GCNA: variants seen among roughly 807,000 people sequenced by gnomAD.
GCNA encodes the protein germ cell nuclear acidic protein.
GCNA carries 3 observed loss-of-function variants against 38.8 expected under a neutral mutation model. The ratio of observed to expected loss-of-function variants is 0.08; its 90% confidence interval spans 0.04 to 0.20. The LOEUF is 0.20. Ranked by LOEUF, GCNA falls within the 10% of genes least tolerant of loss-of-function variation. The pLI, the probability that GCNA is intolerant of heterozygous loss-of-function variation, is 1.00. For missense variants in GCNA, 446 were observed against 578.6 expected (o/e 0.77, Z 2.35); for synonymous variants, 195 against 240.2 (o/e 0.81, Z 1.74).
rs764174655 is a variant in GCNA at position 71,598,037 on chromosome X, C to T, written c.309C>T (p.Asp103=). 28 of 1,189,418 alleles carry T rather than the reference C, an allele frequency of 2.4e-5. No individual in the cohort carries two copies. Among genetic ancestry groups the T allele is most frequent in the African/African-American group, 1.6e-4 (9 of 56,901 alleles). ...KKAKLLEINS[D]DESPECCHVK... is the part of the protein sequence containing the mutation. ...CTAAGTTATTGGAAATAAACAGCGACGGCAAGTATATATTACTTTGTTAGA... is the reference window on the plus strand; with the variant it reads ...CTAAGTTATTGGAAATAAACAGCGATGGCAAGTATATATTACTTTGTTAGA... The change falls in exon 7 of 13, where the codon GAC becomes GAT. Residue 103 remains aspartate, a splice_region_variant and synonymous_variant. Coordinates refer to ENST00000373696, the MANE Select transcript of GCNA (RefSeq NM_052957.5).
chrX:71,609,087 C>A lies in GCNA; in HGVS notation c.1581C>A (p.Asp527Glu), dbSNP rs373426190. Residue 527 changes from aspartate to glutamate, a missense_variant, in exon 10 of 13, where the codon GAC becomes GAA. Around this residue, in one of 7 missense-constraint regions of GCNA, gnomAD observed 60 missense variants for 111.0 expected, o/e 0.54. Transcript: ENST00000373696. ...ATGAATTGGTTCAGAGAATCTACGA[C>A]CTGTTTAACAGATCCGTCTGTGATA... ...NKDELVQRIY[D>E]LFNRSVCDKK... The A allele has an allele frequency of 5.8e-6, 7 of 1,209,579 alleles. No homozygotes were observed. Among genetic ancestry groups the A allele is most frequent in the Non-Finnish European group, 7.8e-6 (7 of 894,931 alleles).
At chrX:71,608,917 G>A in intron 9 of GCNA, 56 bp from the exon 10 acceptor site, 1 of 1,175,213 alleles carries the variant, frequency 8.5e-7, no homozygotes. Flanking sequence ...ACGCTTAGGT[G>A]TGCATTCCTT....
At chrX:71,607,849 T>A (rs933044275) in intron 9 of GCNA, among the ~76,000 whole-genome samples, 4 of 112,966 alleles carry the variant, frequency 3.5e-5, no homozygotes, top group African/African-American at 1.3e-4. Flanking sequence ...GATGTAGTCC[T>A]TGTAAGCCAT....
Position 71,604,283 on chromosome X carries a change from G to A in GCNA, c.1006G>A (p.Val336Met), listed in dbSNP as rs182208750. 5.9e-5 allele frequency: 71 copies of A among 1,211,384 alleles called. No individual in the cohort carries two copies. Among genetic ancestry groups the A allele is most frequent in the Non-Finnish European group, 7.6e-5 (68 of 895,538 alleles). ...CAATAGTGATGATTTGGAAGTTCCT[G>A]TGCCAGCAGAAGATTTGTGTAATGA... ...DDNSDDLEVP[V>M]PAEDLCNEGQ... Residue 336 changes from valine (V) to methionine (M), a missense_variant, in exon 8 of 13, where the codon GTG becomes ATG. Around this residue, in one of 7 missense-constraint regions of GCNA, gnomAD observed 160 missense variants for 165.2 expected, o/e 0.97. Transcript: ENST00000373696.
intron 7 of GCNA, among the ~76,000 whole-genome samples, chrX:71,598,841 C>T (rs2040691684): frequency 9.0e-6 from 1 of 110,773 alleles, no homozygotes; most frequent in Non-Finnish European, 1.9e-5. Context: ...ACCCTTAAAG[C>T]ACCAACTACA....
At chrX:71,578,913 G>A (rs1383816517) in intron 1 of GCNA, among the ~76,000 whole-genome samples, 3 of 107,507 alleles carry the variant, frequency 2.8e-5, no homozygotes, top group African/African-American at 1.0e-4. Flanking sequence ...GTGGCGGGTG[G>A]AGAGAAGTAG....
intron 2 of GCNA, among the ~76,000 whole-genome samples, chrX:71,588,890 A>T (rs917049485): frequency 2.7e-5 from 3 of 109,628 alleles, no homozygotes; most frequent in Non-Finnish European, 5.7e-5. Context: ...ACTTTTTTTT[A>T]AGTTTTTTTT....
rs888972638 is a variant in GCNA, at chrX:71,584,367, C to T, written c.59+3487C>T. Reference sequence around the variant, plus strand: ...CTGGTCTCAAGTGATCCTCCCACCTCAGCCTTCAGAGTAGCTGGGACTACA... The same window carrying T: ...CTGGTCTCAAGTGATCCTCCCACCTTAGCCTTCAGAGTAGCTGGGACTACA... On this transcript the variant is annotated intron_variant, in intron 2 of 12. Coordinates refer to ENST00000373696, the MANE Select transcript of GCNA (RefSeq NM_052957.5). 2.7e-5 allele frequency among the ~76,000 whole-genome samples: 3 copies of T among 110,932 alleles called. No individual in the cohort carries two copies. The Admixed American group carries it at 2.9e-4, about 11-fold the overall frequency.
Position 71,604,794 on chromosome X carries a change from C to G in GCNA, c.1399+118C>G. The G allele has an allele frequency of 1.5e-5, 15 of 1,020,339 alleles. No individual in the cohort carries two copies. The South Asian group carries it at 3.1e-4, about 21-fold the overall frequency. The allele number at this position is 1,020,339 out of a possible 1,213,427, so 84.1% of individuals were successfully genotyped here. Reference sequence around the variant, plus strand: ...AACCCTGTGCCATTTCAGCAACTTCCCTGTGGCCCAAGGAGGCATCCATCC... The same window carrying G: ...AACCCTGTGCCATTTCAGCAACTTCGCTGTGGCCCAAGGAGGCATCCATCC... On this transcript the variant is annotated intron_variant, in intron 8 of 12. Transcript: ENST00000373696.
intron 12 of GCNA, 68 bp from the exon 13 acceptor site, chrX:71,612,794 C>T: frequency 1.7e-6 from 2 of 1,175,749 alleles, no homozygotes; most frequent in Non-Finnish European, 2.3e-6. Flanking sequence ...CCAAGGCTAA[C>T]ATCTCAGAGC....
rs141727533 is a variant in GCNA, at chrX:71,612,438, G to A, written c.1834G>A (p.Ala612Thr). The A allele has an allele frequency of 1.0e-5, 12 of 1,205,157 alleles. No individual in the cohort carries two copies. The Admixed American group carries it at 1.3e-4, about 13-fold the overall frequency. ...TGGTATCCATGATTCTCATGGTGAC[G>A]CATGGAAGTATTATGCCAGGAAATC... ...IDGIHDSHGD[A>T]WKYYARKSNR... is the part of the protein sequence containing the mutation. The change falls in exon 12 of 13, where the codon GCA becomes ACA. Residue 612 changes from alanine to threonine, a missense_variant. Physicochemically the swap from Ala to Thr is moderately conservative, Grantham distance 58. Coordinates refer to ENST00000373696, the MANE Select transcript of GCNA (RefSeq NM_052957.5).
intron 9 of GCNA, among the ~76,000 whole-genome samples, chrX:71,608,642 C>A (rs372663955): frequency 2.5e-4 from 28 of 112,671 alleles, no homozygotes; most frequent in East Asian, 1.9e-3. Flanking sequence ...ATTGAACACA[C>A]GTTTAGCTGG....
chrX:71,585,270 C>T (rs763386390), intron 2 of GCNA, among the ~76,000 whole-genome samples: 2 of 109,588 alleles, frequency 1.8e-5, no homozygotes, highest in Admixed American at 2.0e-4. Context: ...GTTGAGATCG[C>T]GCCATTGCAC....
In GCNA at chrX:71,612,972, C is replaced by T; in HGVS notation, c.2066C>T (p.Pro689Leu). 2 of 1,211,445 alleles carry T rather than the reference C, an allele frequency of 1.7e-6. No individual in the cohort carries two copies. Among genetic ancestry groups the T allele is most frequent in the South Asian group, 1.8e-5 (1 of 56,936 alleles). ...LTQKDGTRIV[P>L]HV ...CAGAAAGATGGGACCCGTATTGTGC[C>T]CCACGTGTGACCATTTGCTGTGTAT... Residue 689 changes from proline (P) to leucine (L), a missense_variant, in exon 13 of 13, where the codon CCC becomes CTC. This residue lies in a region of GCNA where 34 missense variants were observed against 33.2 expected (regional missense o/e 1.02). Coordinates refer to ENST00000373696, the MANE Select transcript of GCNA (RefSeq NM_052957.5).
rs1342725247 is a variant in GCNA, at chrX:71,610,731, T to G, written c.1662T>G (p.Ala554=). 8.3e-7 allele frequency: 1 copy of G among 1,211,661 alleles called. No homozygotes were observed. The highest frequency in any genetic ancestry group is 1.1e-6 in the Non-Finnish European group (1 of 895,515). ...GGAATAACAAGATGGTGAAAACTGCTGGCTTATGCAGCACTGGTGAGATGT... is the reference window on the plus strand; with the variant it reads ...GGAATAACAAGATGGTGAAAACTGCGGGCTTATGCAGCACTGGTGAGATGT... The part of the protein sequence containing the change: ...IGWNNKMVKT[A]GLCSTGEMWY... The change falls in exon 11 of 13, where the codon GCT becomes GCG. Residue 554 remains alanine, a synonymous_variant. Coordinates refer to ENST00000373696, the MANE Select transcript of GCNA (RefSeq NM_052957.5).
rs774733090 is a variant in GCNA, at chrX:71,597,392, G to A, written c.222-558G>A. Among the ~76,000 whole-genome samples the A allele has an allele frequency of 5.4e-5, 6 of 111,588 alleles. No individual in the cohort carries two copies. The East Asian group carries it at 8.4e-4, about 16-fold the overall frequency. The stretch of plus-strand genomic sequence containing the variant: ...TCTGAGCCAAATACCAGGATTAGCC[G>A]AGGATGAGGACCCCAGGGGGTGCTT... On this transcript the variant is annotated intron_variant, in intron 6 of 12. Transcript: ENST00000373696.
At chrX:71,598,440 C>G (rs1260923559) in intron 7 of GCNA, among the ~76,000 whole-genome samples, 1 of 112,024 alleles carries the variant, frequency 8.9e-6, no homozygotes, top group Non-Finnish European at 1.9e-5. Context: ...AGGCCTGGCT[C>G]ATTCTTCCTT....
intron 11 of GCNA, among the ~76,000 whole-genome samples, chrX:71,612,110 T>C (rs1251335565): frequency 1.3e-5 from 1 of 77,447 alleles, no homozygotes; most frequent in Non-Finnish European, 2.6e-5. Flanking sequence ...CCGTCTCTAC[T>C]AAAAAAAAAA....
At chrX:71,593,045 T>C (rs2040641566) in intron 4 of GCNA, among the ~76,000 whole-genome samples, 1 of 111,333 alleles carries the variant, frequency 9.0e-6, no homozygotes, top group Non-Finnish European at 1.9e-5. Flanking sequence ...AGGCACACGC[T>C]ACCATGCCTG....
Sources: gnomAD v4.1 joint callset for allele counts (sites outside exome capture counted in the v4.1 genomes callset) on GRCh38, gnomAD v4.1.1 for gene constraint, gnomAD v4.1.1 regional missense constraint, MANE v1.5 for transcripts, NCBI Gene and HGNC (gene_info 2026-07-23, HGNC 2026-07-21) for gene names.